The following CNPY1 variants were observed in gnomAD, a reference collection of about 807,000 sequenced individuals.
The protein encoded by CNPY1 is canopy FGF signaling regulator 1, also known as protein canopy homolog 1.
CNPY1 carries 14 observed loss-of-function variants against 14.4 expected under a neutral mutation model. The ratio of observed to expected loss-of-function variants is 0.97; its 90% CI spans 0.64 to 1.52. The LOEUF is 1.52. Ranked by LOEUF, CNPY1 falls within the 40% of genes most tolerant of loss-of-function variation. The pLI is 0.00. For synonymous variants in CNPY1, 43 were observed against 46.5 expected (o/e 0.92, Z 0.31); for missense variants, 129 against 131.5 (o/e 0.98, Z 0.09).
chr7:155,512,171 C>G (rs1796544346), intron 2 of CNPY1, among the ~76,000 whole-genome samples: 1 of 152,146 alleles, frequency 6.6e-6, no homozygotes. Context: ...CTCAGAGATA[C>G]TAACCTCATT....
chr7:155,538,689 G>A (rs1364633303), intron 2 of CNPY1, among the ~76,000 whole-genome samples: 2 of 152,160 alleles, frequency 1.3e-5, no homozygotes, highest in Non-Finnish European at 2.9e-5. Flanking sequence ...GCTGGGGGTG[G>A]GAGATCCTGG....
intron 2 of CNPY1, among the ~76,000 whole-genome samples, chr7:155,515,102 G>T (rs774777083): frequency 3.9e-5 from 6 of 152,078 alleles, no homozygotes; most frequent in Non-Finnish European, 7.4e-5. Flanking sequence ...TGCAGAAGGG[G>T]CCAGCTGGCT....
At chr7:155,505,085 C>T (rs1796257488) in intron 4 of CNPY1, among the ~76,000 whole-genome samples, 1 of 152,204 alleles carries the variant, frequency 6.6e-6, no homozygotes, top group African/African-American at 2.4e-5. Context: ...TATTAACTCA[C>T]TTCAACAGTA....
intron 2 of CNPY1, among the ~76,000 whole-genome samples, chr7:155,509,454 T>C (rs1796450751): frequency 6.6e-6 from 1 of 152,076 alleles, no homozygotes; most frequent in Non-Finnish European, 1.5e-5. Flanking sequence ...ATTATCCATC[T>C]ACTTGTCAGA....
At chr7:155,528,611 C>G (rs1796872814) in intron 2 of CNPY1, among the ~76,000 whole-genome samples, 1 of 152,234 alleles carries the variant, frequency 6.6e-6, no homozygotes, top group African/African-American at 2.4e-5. Context: ...GACAGCAAGG[C>G]TGTGGCTCTC....
intron 2 of CNPY1, among the ~76,000 whole-genome samples, chr7:155,534,977 AC>A (rs1797006572): frequency 6.6e-6 from 1 of 151,852 alleles, no homozygotes; most frequent in South Asian, 2.1e-4. Context: ...TGGGCACAGG[AC>A]CCCAGCTTGG....
intron 2 of CNPY1, among the ~76,000 whole-genome samples, chr7:155,514,278 T>C (rs998012027): frequency 3.3e-5 from 5 of 152,220 alleles, no homozygotes; most frequent in African/African-American, 4.8e-5. Context: ...TGCATAAAAA[T>C]TAAAATAAAA....
At chr7:155,517,949 G>A (rs1585312434) in intron 2 of CNPY1, among the ~76,000 whole-genome samples, 1 of 152,210 alleles carries the variant, frequency 6.6e-6, no homozygotes, top group Non-Finnish European at 1.5e-5. Flanking sequence ...TAAAGTGGCA[G>A]GCATTTAAGC....
At chr7:155,520,496 A>G (rs530097656) in intron 2 of CNPY1, among the ~76,000 whole-genome samples, 7 of 128,156 alleles carry the variant, frequency 5.5e-5, no homozygotes, top group African/African-American at 2.1e-4. Context: ...GGAGTGTAAT[A>G]GCATGATCTT....
chr7:155,522,259 G>A (rs982534821), intron 2 of CNPY1, among the ~76,000 whole-genome samples: 6 of 152,252 alleles, frequency 3.9e-5, no homozygotes, highest in African/African-American at 7.2e-5. Context: ...TATCGCTACC[G>A]CATGTTGTAG....
intron 2 of CNPY1, among the ~76,000 whole-genome samples, chr7:155,511,737 C>T (rs1031472466): frequency 6.6e-6 from 1 of 152,016 alleles, no homozygotes; most frequent in South Asian, 2.1e-4. Flanking sequence ...CACTACCTTA[C>T]GATGTTCGTT....
Position 155,502,961 on chromosome 7 carries a change from A to G in CNPY1, c.*107T>C. The G allele has an allele frequency of 1.0e-6, 1 of 988,960 alleles. No individual in the cohort carries two copies. The highest frequency in any genetic ancestry group is 2.5e-5 in the East Asian group (1 of 39,918). The allele number at this position is 988,960 out of a possible 1,614,324, so 61.3% of individuals were successfully genotyped here. A position where few individuals can be genotyped will look rare whatever the true frequency, so the allele number is the denominator to read the frequency against. On this transcript the variant is annotated 3_prime_UTR_variant, in exon 5 of 5. Coordinates refer to ENST00000636446, the MANE Select transcript of CNPY1 (RefSeq NM_001393663.1). ...AACGGAGACAAACACGGTATAAACA[A>G]GAGACAAAATTTTTCTTATCATGAA...
At chr7:155,508,240 A>G (rs2116679101) in intron 3 of CNPY1, among the ~76,000 whole-genome samples, 1 of 152,370 alleles carries the variant, frequency 6.6e-6, no homozygotes, top group Admixed American at 6.5e-5. Flanking sequence ...CAAGCCAGAG[A>G]CTAGCATTCA....
chr7:155,532,702 A>AT (rs11348912), intron 2 of CNPY1, among the ~76,000 whole-genome samples: 3 of 151,590 alleles, frequency 2.0e-5, no homozygotes, highest in Admixed American at 6.6e-5. Context: ...GTTGCTGAGA[A>AT]TTTTTTTTTT....
intron 2 of CNPY1, among the ~76,000 whole-genome samples, chr7:155,534,057 C>T (rs1015601657): frequency 6.6e-6 from 1 of 152,192 alleles, no homozygotes; most frequent in African/African-American, 2.4e-5. Context: ...CCGGGAAGAG[C>T]ACTGCGTCCC....
At chr7:155,543,270 A>C (rs112569626) in intron 2 of CNPY1, among the ~76,000 whole-genome samples, 1 of 152,140 alleles carries the variant, frequency 6.6e-6, no homozygotes, top group Non-Finnish European at 1.5e-5. Context: ...GACCCCTCTC[A>C]TTTGGCAGCT....
intron 2 of CNPY1, among the ~76,000 whole-genome samples, chr7:155,539,685 C>CG (rs941269694): frequency 1.3e-5 from 2 of 152,050 alleles, no homozygotes; most frequent in African/African-American, 2.4e-5. Context: ...AACAGATTAA[C>CG]GGGGGGAAAA....
At chr7:155,532,828 A>G (rs1796964074) in intron 2 of CNPY1, among the ~76,000 whole-genome samples, 1 of 152,164 alleles carries the variant, frequency 6.6e-6, no homozygotes, top group Non-Finnish European at 1.5e-5. Context: ...GGTCTGCAAC[A>G]CACAGACCGA....
chr7:155,502,984 G>T lies in CNPY1; in HGVS notation c.*84C>A. Reference sequence around the variant, plus strand: ...CAAGAGACAAAATTTTTCTTATCATGAAAGACAACATGCAAACATAAAATG... The same window carrying T: ...CAAGAGACAAAATTTTTCTTATCATTAAAGACAACATGCAAACATAAAATG... On this transcript the variant is annotated 3_prime_UTR_variant, in exon 5 of 5. Transcript: ENST00000636446. The T allele has an allele frequency of 7.9e-7, 1 of 1,273,100 alleles. No individual in the cohort carries two copies. The highest frequency in any genetic ancestry group is 1.1e-6 in the Non-Finnish European group (1 of 900,542). The allele number at this position is 1,273,100 out of a possible 1,614,324, so 78.9% of individuals were successfully genotyped here. A position where few individuals can be genotyped will look rare whatever the true frequency, so the allele number is the denominator to read the frequency against.
Sources: gnomAD v4.1 joint callset for allele counts (sites outside exome capture counted in the v4.1 genomes callset) on GRCh38, gnomAD v4.1.1 for gene constraint, MANE v1.5 for transcripts, NCBI Gene and HGNC (gene_info 2026-07-23, HGNC 2026-07-21) for gene names.